The following PRKCB variants were observed in gnomAD, a reference collection of about 807,000 sequenced individuals.
PRKCB encodes protein kinase C beta type.
Under a neutral mutation model 81.5 loss-of-function variants are expected in PRKCB, and 13 were observed. That is an observed-to-expected ratio of 0.16 (90% CI 0.10 to 0.25). The LOEUF (loss-of-function observed/expected upper bound fraction) is 0.25, where lower values mean the gene tolerates loss of function less well. PRKCB is among the 10% of genes least tolerant of loss of function. PRKCB has a pLI of 1.00. For missense variants in PRKCB, 509 were observed against 875.7 expected, an observed-to-expected ratio of 0.58 and a Z score of 5.29; for synonymous variants, 335 against 321.4, an observed-to-expected ratio of 1.04 and a Z score of -0.45.
intron 5 of PRKCB, among the ~76,000 whole-genome samples, chr16:24,036,595 G>A (rs1483565804): frequency 1.3e-5 from 2 of 152,164 alleles, no homozygotes; most frequent in African/African-American, 2.4e-5. Flanking sequence ...GGGGCTTTAC[G>A]TAGATTGTGT....
intron 2 of PRKCB, among the ~76,000 whole-genome samples, chr16:23,844,369 A>G (rs915548463): frequency 2.6e-5 from 4 of 152,118 alleles, no homozygotes; most frequent in Admixed American, 2.6e-4. Flanking sequence ...CCAGTAGGAA[A>G]TTTGTCTATT....
At chr16:23,882,021 T>TTCTTTCTTTCTTTCTTCCTTC (rs1555481692) in intron 2 of PRKCB, among the ~76,000 whole-genome samples, 719 of 55,622 alleles carry the variant, frequency 0.013, 71 homozygotes, top group Admixed American at 0.039. Flanking sequence ...TTTCTTTCTT[T>TTCTTTCTTTCTTTCTTCCTTC]CTTCCTTCCT....
chr16:24,050,229 C>A (rs1486818060), intron 5 of PRKCB, among the ~76,000 whole-genome samples: 7 of 152,162 alleles, frequency 4.6e-5, no homozygotes. Context: ...ACTTTCTAAT[C>A]CTTAATCCAC....
intron 5 of PRKCB, among the ~76,000 whole-genome samples, chr16:24,054,372 A>G (rs1012808505): frequency 3.3e-5 from 5 of 152,212 alleles, no homozygotes; most frequent in African/African-American, 1.2e-4. Context: ...TATATGCATG[A>G]TATCATTTAC....
At chr16:24,142,284 A>G (rs1966912372) in intron 9 of PRKCB, among the ~76,000 whole-genome samples, 1 of 152,236 alleles carries the variant, frequency 6.6e-6, no homozygotes, top group South Asian at 2.1e-4. Context: ...TGTCGATGCC[A>G]TAATCTCTTT....
At position 24,191,176 on chromosome 16, in the gene PRKCB, T is replaced by A; in HGVS notation, c.1809T>A (p.Ile603=). The change falls in exon 16 of 17, where the codon ATT becomes ATA. Residue 603 remains isoleucine (I), a synonymous_variant. Coordinates refer to ENST00000643927, the MANE Select transcript of PRKCB (RefSeq NM_002738.7). ...DIKEHAFFRY[I]DWEKLERKEI... Reference sequence around the variant, plus strand: ...AAGAGCATGCATTTTTCCGGTATATTGATTGGGAGAAACTTGAACGCAAAG... The same window carrying A: ...AAGAGCATGCATTTTTCCGGTATATAGATTGGGAGAAACTTGAACGCAAAG... The A allele has an allele frequency of 6.2e-7, 1 of 1,614,110 alleles. No individual in the cohort carries two copies. Among genetic ancestry groups the A allele is most frequent in the South Asian group, 1.1e-5 (1 of 91,070 alleles).
At chr16:24,033,273 G>A (rs190682985) in intron 4 of PRKCB, among the ~76,000 whole-genome samples, 32 of 152,302 alleles carry the variant, frequency 2.1e-4, no homozygotes, top group African/African-American at 7.7e-4. Context: ...GAGTGACAGA[G>A]AGGACTGTGA....
intron 2 of PRKCB, among the ~76,000 whole-genome samples, chr16:23,853,583 AT>A (rs1442921644): frequency 2.6e-5 from 4 of 152,138 alleles, no homozygotes; most frequent in Non-Finnish European, 5.9e-5. Flanking sequence ...CAAAGCCATA[AT>A]TTCCTTTGTC....
At chr16:24,143,303 T>C (rs1383212978) in intron 9 of PRKCB, among the ~76,000 whole-genome samples, 1 of 151,962 alleles carries the variant, frequency 6.6e-6, no homozygotes, top group Non-Finnish European at 1.5e-5. Flanking sequence ...TGGCTAATTT[T>C]TGTACTTTTA....
At chr16:24,031,971 GC>G in intron 3 of PRKCB, 164 bp from the exon 4 acceptor site, 1 of 550,804 alleles carries the variant, frequency 1.8e-6, no homozygotes, top group Non-Finnish European at 3.2e-6. Flanking sequence ...TATTTATCCA[GC>G]ACCGTTTCTG....
chr16:24,102,556 C>CT (rs1252135417), intron 7 of PRKCB, among the ~76,000 whole-genome samples: 2 of 152,224 alleles, frequency 1.3e-5, no homozygotes, highest in African/African-American at 4.8e-5. Flanking sequence ...GCAGATGCAG[C>CT]TGTGGAAGCT....
chr16:23,934,318 GT>G (rs3073130), intron 2 of PRKCB, among the ~76,000 whole-genome samples: 48,767 of 134,314 alleles, frequency 0.36, 8,137 homozygotes, highest in African/African-American at 0.39. Flanking sequence ...GAAAAAAGCT[GT>G]TTTTTTTTTT....
chr16:23,912,910 G>A (rs1009697062), intron 2 of PRKCB, among the ~76,000 whole-genome samples: 1 of 151,216 alleles, frequency 6.6e-6, no homozygotes, highest in Non-Finnish European at 1.5e-5. Context: ...CTGCAGCCTC[G>A]AACTCCTGGG....
chr16:24,175,298 G>C (rs1287188105), intron 12 of PRKCB, among the ~76,000 whole-genome samples: 1 of 151,642 alleles, frequency 6.6e-6, no homozygotes, highest in Non-Finnish European at 1.5e-5. Flanking sequence ...CATGGGTGGG[G>C]GTCTATTTCA....
intron 3 of PRKCB, among the ~76,000 whole-genome samples, chr16:24,001,700 G>A (rs368972926): frequency 6.6e-6 from 1 of 152,058 alleles, no homozygotes; most frequent in Non-Finnish European, 1.5e-5. Flanking sequence ...TATGTTTCAT[G>A]GGTAAAACTT....
chr16:24,032,569 G>A (rs915969827), intron 4 of PRKCB, among the ~76,000 whole-genome samples: 3 of 152,184 alleles, frequency 2.0e-5, no homozygotes, highest in African/African-American at 7.2e-5. Flanking sequence ...GGAGCTGTCT[G>A]GGCCATGGTG....
intron 3 of PRKCB, among the ~76,000 whole-genome samples, chr16:24,021,091 T>TTTCTTTC (rs1965375606): frequency 1.7e-5 from 1 of 58,050 alleles, no homozygotes. Context: ...TTCTTTCTTT[T>TTTCTTTC]TTTCTTTCTT....
intron 2 of PRKCB, among the ~76,000 whole-genome samples, chr16:23,901,805 C>A (rs549112025): frequency 7.5e-4 from 114 of 152,254 alleles, no homozygotes; most frequent in Non-Finnish European, 1.4e-3. Context: ...CTGCAATGAT[C>A]ATTCCCCAAC....
intron 7 of PRKCB, among the ~76,000 whole-genome samples, chr16:24,100,553 G>A (rs972263145): frequency 6.6e-6 from 1 of 152,176 alleles, no homozygotes; most frequent in African/African-American, 2.4e-5. Flanking sequence ...CTGCTGGAAT[G>A]ATGTTGCCTG....
Sources: gnomAD v4.1 joint callset for allele counts (sites outside exome capture counted in the v4.1 genomes callset) on GRCh38, gnomAD v4.1.1 for gene constraint, MANE v1.5 for transcripts, NCBI Gene and HGNC (gene_info 2026-07-23, HGNC 2026-07-21) for gene names.